EYS: variants seen among roughly 807,000 people sequenced by gnomAD.
EYS encodes protein eyes shut homolog.
In EYS, 250 loss-of-function variants were observed where a neutral mutation model predicts 282.1. That is an observed-to-expected ratio of 0.89 (90% CI 0.80 to 0.98). The LOEUF (loss-of-function observed/expected upper bound fraction) is 0.98. Among genes scored for constraint, EYS ranks in the 50% least tolerant of loss-of-function variants. The probability of loss-of-function intolerance (pLI) is 0.00; values close to 1 mark genes in which losing one functional copy is unlikely to be tolerated. For synonymous variants in EYS, 1,355 were observed against 1,282.9 expected, an observed-to-expected ratio of 1.06 and a Z score of -1.20; for missense variants, 4,016 against 3,709.0, an observed-to-expected ratio of 1.08 and a Z score of -2.15.
rs186181347 is a variant in EYS at position 63,737,780 on chromosome 6, C to A, written c.8072-11100G>T. Among the ~76,000 whole-genome samples the A allele has an allele frequency of 4.4e-3, 676 of 152,186 alleles. 6 individuals are homozygous for A. The highest frequency in any genetic ancestry group is 0.016 in the African/African-American group (648 of 41,530). ...AGCTTCTGCACAGCAAAAGAAACTACCATCAGAGTGAAGAGGCAACCTACA... is the reference window on the plus strand; with the variant it reads ...AGCTTCTGCACAGCAAAAGAAACTAACATCAGAGTGAAGAGGCAACCTACA... On this transcript the variant is annotated intron_variant, in intron 41 of 42. Coordinates refer to ENST00000503581, the MANE Select transcript of EYS (RefSeq NM_001142800.2).
intron 22 of EYS, among the ~76,000 whole-genome samples, chr6:64,765,750 A>G (rs1287108843): frequency 6.6e-6 from 1 of 151,988 alleles, no homozygotes; most frequent in Non-Finnish European, 1.5e-5. Flanking sequence ...AAACTATCAG[A>G]TCTCATGAGA....
intron 9 of EYS, among the ~76,000 whole-genome samples, chr6:65,353,043 T>A (rs1248888575): frequency 6.6e-6 from 1 of 151,982 alleles, no homozygotes; most frequent in Admixed American, 6.6e-5. Context: ...CCCAACTCAA[T>A]ATCTCAATTG....
intron 30 of EYS, among the ~76,000 whole-genome samples, chr6:64,304,735 A>T (rs1318810685): frequency 6.6e-6 from 1 of 152,246 alleles, no homozygotes; most frequent in African/African-American, 2.4e-5. Context: ...GAAAATTTAT[A>T]AATTTGTGGA....
chr6:64,862,793 T>C lies in EYS; in HGVS notation c.2992+23904A>G, dbSNP rs1261821639. Among the ~76,000 whole-genome samples the C allele has an allele frequency of 2.6e-5, 4 of 152,176 alleles. No individual in the cohort carries two copies. The East Asian group carries it at 7.7e-4, about 29-fold the overall frequency. The stretch of plus-strand genomic sequence containing the variant: ...AATAAGAAAATATATTATTCAATTT[T>C]CTGCTAATTTACATTGTTTCTGATA... On this transcript the variant is annotated intron_variant, in intron 19 of 42. Coordinates refer to ENST00000503581, the MANE Select transcript of EYS (RefSeq NM_001142800.2).
intron 22 of EYS, among the ~76,000 whole-genome samples, chr6:64,683,861 G>A (rs2149906960): frequency 6.6e-6 from 1 of 152,260 alleles, no homozygotes; most frequent in South Asian, 2.1e-4. Flanking sequence ...ACAAGTCCCA[G>A]GCCTAACCGC....
At chr6:63,860,033 C>G (rs903978392) in intron 36 of EYS, among the ~76,000 whole-genome samples, 2 of 152,176 alleles carry the variant, frequency 1.3e-5, no homozygotes, top group Non-Finnish European at 2.9e-5. Context: ...TGTGCCTCTT[C>G]TACAGTGTAG....
At chr6:65,195,140 C>T (rs936191201) in intron 12 of EYS, among the ~76,000 whole-genome samples, 2 of 151,944 alleles carry the variant, frequency 1.3e-5, no homozygotes, top group Non-Finnish European at 2.9e-5. Flanking sequence ...AGGATTTGTG[C>T]TCCTGCTCTA....
chr6:64,673,726 T>C (rs1769549382), intron 22 of EYS, among the ~76,000 whole-genome samples: 1 of 152,086 alleles, frequency 6.6e-6, no homozygotes, highest in Admixed American at 6.5e-5. Flanking sequence ...ATCTCATTGA[T>C]ATCAATGCTG....
chr6:64,518,503 C>T (rs1777630736), intron 26 of EYS, among the ~76,000 whole-genome samples: 1 of 151,700 alleles, frequency 6.6e-6, no homozygotes, highest in Admixed American at 6.6e-5. Flanking sequence ...CTAAGTTTCC[C>T]CCTTTACCAT....
chr6:64,128,093 A>C (rs182361798), intron 31 of EYS, among the ~76,000 whole-genome samples: 1 of 152,132 alleles, frequency 6.6e-6, no homozygotes, highest in East Asian at 1.9e-4. Flanking sequence ...TGGGACATCT[A>C]AAGAGCTTCA....
At chr6:64,718,358 C>T (rs548197522) in intron 22 of EYS, among the ~76,000 whole-genome samples, 1 of 152,312 alleles carries the variant, frequency 6.6e-6, no homozygotes, top group African/African-American at 2.4e-5. Flanking sequence ...CCTCCTTTCA[C>T]CACTTCACAA....
At chr6:65,558,556 C>T (rs1768908020) in intron 2 of EYS, among the ~76,000 whole-genome samples, 1 of 152,180 alleles carries the variant, frequency 6.6e-6, no homozygotes, top group African/African-American at 2.4e-5. Flanking sequence ...GCCAGCTCCA[C>T]AGATTGCACA....
rs115495531 is a variant in EYS, at chr6:65,574,185, C to A, written c.-333+65593G>T. ...CATGTGTGCCACCCAGACATCGGTG[C>A]CACTGGCACCTCTAGTGGGACCCTA... is the stretch of plus-strand genomic sequence containing the variant. On this transcript the variant is annotated intron_variant, in intron 2 of 42. Transcript: ENST00000503581. Among the ~76,000 whole-genome samples the A allele has an allele frequency of 5.2e-3, 793 of 152,286 alleles. 4 individuals are homozygous for A. Among genetic ancestry groups the A allele is most frequent in the African/African-American group, 0.017 (723 of 41,580 alleles).
chr6:63,895,095 C>A (rs1773503098), intron 35 of EYS, among the ~76,000 whole-genome samples: 1 of 151,840 alleles, frequency 6.6e-6, no homozygotes, highest in Admixed American at 6.6e-5. Flanking sequence ...GGTCACCCCC[C>A]ATGGCCTCAC....
chr6:65,432,720 T>C (rs1255702147), intron 5 of EYS, among the ~76,000 whole-genome samples: 3 of 152,162 alleles, frequency 2.0e-5, no homozygotes, highest in African/African-American at 4.8e-5. Context: ...TTTAGCAAAC[T>C]GACATGCTCT....
At chr6:65,427,069 C>T (rs1767691074) in intron 5 of EYS, among the ~76,000 whole-genome samples, 1 of 151,920 alleles carries the variant, frequency 6.6e-6, no homozygotes, top group South Asian at 2.1e-4. Context: ...TCTATTATAA[C>T]CTTAAATAAA....
intron 12 of EYS, among the ~76,000 whole-genome samples, chr6:65,072,906 T>C (rs1310654671): frequency 6.6e-6 from 1 of 151,484 alleles, no homozygotes; most frequent in Non-Finnish European, 1.5e-5. Flanking sequence ...GATTCAATAT[T>C]TGAATTAAAA....
Position 64,563,384 on chromosome 6 carries a change from T to G in EYS, c.5644+26839A>C, listed in dbSNP as rs190271063. Among the ~76,000 whole-genome samples, 305 of 152,204 alleles carry G rather than the reference T, an allele frequency of 2.0e-3. No homozygotes were observed. The South Asian group carries it at 0.021, about 10-fold the overall frequency. ...GGTCTTTAAAGAACATCAGAGAGCC[T>G]TTTCAAACAAACACGAGTATAATCA... On this transcript the variant is annotated intron_variant, in intron 26 of 42. Transcript: ENST00000503581.
At chr6:64,670,844 G>A (rs1295897821) in intron 22 of EYS, among the ~76,000 whole-genome samples, 4 of 152,018 alleles carry the variant, frequency 2.6e-5, no homozygotes, top group African/African-American at 9.7e-5. Flanking sequence ...ACTCCTTCAG[G>A]TATATTAAGG....
Sources: gnomAD v4.1 joint callset for allele counts (sites outside exome capture counted in the v4.1 genomes callset) on GRCh38, gnomAD v4.1.1 for gene constraint, MANE v1.5 for transcripts, NCBI Gene and HGNC (gene_info 2026-07-23, HGNC 2026-07-21) for gene names.